FAM3D: variants seen among roughly 807,000 people sequenced by gnomAD.
The protein encoded by FAM3D is protein FAM3D.
FAM3D carries 26 observed loss-of-function variants against 29.8 expected under a neutral mutation model. The ratio of observed to expected loss-of-function variants is 0.87; its 90% CI spans 0.64 to 1.21. The LOEUF (loss-of-function observed/expected upper bound fraction) is 1.21. Among genes scored for constraint, FAM3D ranks in the 50% most tolerant of loss-of-function variants. FAM3D has a pLI of 0.00. For missense variants in FAM3D, 253 were observed against 290.9 expected, an observed-to-expected ratio of 0.87 and a Z score of 0.95; for synonymous variants, 115 against 102.3, an observed-to-expected ratio of 1.12 and a Z score of -0.75.
At chr3:58,656,500 C>G (rs1019523161) in intron 1 of FAM3D, among the ~76,000 whole-genome samples, 7 of 150,238 alleles carry the variant, frequency 4.7e-5, no homozygotes, top group Non-Finnish European at 8.8e-5. Context: ...GGTCATCTTT[C>G]TCTTCACCTC....
intron 7 of FAM3D, among the ~76,000 whole-genome samples, 197 bp from the exon 8 acceptor site, chr3:58,637,422 T>A (rs1368662346): frequency 6.6e-6 from 1 of 152,034 alleles, no homozygotes; most frequent in African/African-American, 2.4e-5. Context: ...GTGACCAGAG[T>A]GAGGGGAACT....
rs2066152715 is a variant in FAM3D at position 58,635,920 on chromosome 3, G to A, written c.585+374C>T. 6.6e-6 allele frequency among the ~76,000 whole-genome samples: 1 copy of A among 152,150 alleles called. No individual in the cohort carries two copies. The highest frequency in any genetic ancestry group is 6.5e-5 in the Admixed American group (1 of 15,282). On this transcript the variant is annotated intron_variant, in intron 9 of 9. Transcript: ENST00000358781. This position sits in a 1 kb window ranked among gnomAD's most constrained non-coding sequence, Gnocchi z 5.2. ...CCATGCCTCGCCAGGGAGGCTGAAG[G>A]GATGGGGACAGGCATCCTGCTCCTT...
chr3:58,666,257 C>T (rs1027006154), intron 1 of FAM3D, among the ~76,000 whole-genome samples: 4 of 152,194 alleles, frequency 2.6e-5, no homozygotes, highest in Non-Finnish European at 5.9e-5. Context: ...GCATGCCCTA[C>T]AGCTCCTTCT....
At chr3:58,641,872 G>C (rs2066343575) in intron 6 of FAM3D, among the ~76,000 whole-genome samples, 1 of 152,106 alleles carries the variant, frequency 6.6e-6, no homozygotes, top group Non-Finnish European at 1.5e-5. Context: ...CATCTCATTG[G>C]AGAATATTCA....
rs757839551 is a variant in FAM3D at position 58,643,783 on chromosome 3, C to T, written c.264-63G>A. The T allele has an allele frequency of 1.5e-5, 22 of 1,515,086 alleles. No individual in the cohort carries two copies. The Admixed American group carries it at 2.2e-4, about 15-fold the overall frequency. The allele number at this position is 1,515,086 out of a possible 1,614,324, so 93.9% of individuals were successfully genotyped here. Reference sequence around the variant, plus strand: ...GAGTGTGGAATGAACACTCTGCTCTCCCAGCTGGGGAACTCCGTGAGGACC... The same window carrying T: ...GAGTGTGGAATGAACACTCTGCTCTTCCAGCTGGGGAACTCCGTGAGGACC... On this transcript the variant is annotated intron_variant, in intron 5 of 9. Coordinates refer to ENST00000358781, the MANE Select transcript of FAM3D (RefSeq NM_138805.3).
Position 58,666,564 on chromosome 3 carries a change from G to T in FAM3D, c.-39+12C>A, listed in dbSNP as rs2067036483. ...TGGAACCATAGCCCTTTCCATTCTT[G>T]GGGGGACGTACCCGAGGGCTCGAGG... is the stretch of plus-strand genomic sequence containing the variant. On this transcript the variant is annotated intron_variant, in intron 1 of 9. Coordinates refer to ENST00000358781, the MANE Select transcript of FAM3D (RefSeq NM_138805.3). The T allele has an allele frequency of 6.6e-6, 1 of 151,986 alleles. No individual in the cohort carries two copies. The highest frequency in any genetic ancestry group is 6.6e-5 in the Admixed American group (1 of 15,260). The allele number at this position is 151,986 out of a possible 1,614,324, so 9.4% of individuals were successfully genotyped here.
chr3:58,655,465 A>G, intron 2 of FAM3D, 86 bp downstream of exon 2: 3 of 1,572,138 alleles, frequency 1.9e-6, no homozygotes, highest in Non-Finnish European at 2.6e-6. Flanking sequence ...ACCATTTGAG[A>G]ACAGATACAG....
intron 5 of FAM3D, 45 bp downstream of exon 5, chr3:58,645,464 A>AATAAG: frequency 1.4e-6 from 2 of 1,401,038 alleles, no homozygotes. Flanking sequence ...AATGAAATAA[A>AATAAG]ATAAAATAAA....
chr3:58,637,531 C>T (rs900874), intron 7 of FAM3D, among the ~76,000 whole-genome samples: 52,872 of 151,950 alleles, frequency 0.35, 9,743 homozygotes, highest in African/African-American at 0.49. Flanking sequence ...GGTAGAAGGG[C>T]CCTTGTGTGC....
At chr3:58,646,404 T>C (rs188288868) in intron 4 of FAM3D, among the ~76,000 whole-genome samples, 19 of 152,182 alleles carry the variant, frequency 1.2e-4, no homozygotes, top group South Asian at 8.3e-4. Context: ...ACAGGGTAAA[T>C]TGGGGAGGTC....
chr3:58,655,472 A>G, intron 2 of FAM3D, 79 bp downstream of exon 2: 1 of 1,587,274 alleles, frequency 6.3e-7, no homozygotes, highest in Non-Finnish European at 8.6e-7. Flanking sequence ...GAGAACAGAT[A>G]CAGCCAAATC....
At chr3:58,651,818 G>A (rs1187384712) in intron 3 of FAM3D, among the ~76,000 whole-genome samples, 2 of 132,452 alleles carry the variant, frequency 1.5e-5, no homozygotes, top group East Asian at 2.5e-4. Context: ...TAAAAGCAGC[G>A]ATCCTGGGTG....
chr3:58,653,444 C>T (rs1006343060), intron 3 of FAM3D, among the ~76,000 whole-genome samples: 1 of 152,120 alleles, frequency 6.6e-6, no homozygotes, highest in African/African-American at 2.4e-5. Context: ...CAAAGTGGTC[C>T]TCGATGTGGG....
intron 4 of FAM3D, among the ~76,000 whole-genome samples, chr3:58,647,533 G>A (rs1208172167): frequency 2.0e-5 from 3 of 152,220 alleles, no homozygotes; most frequent in Non-Finnish European, 4.4e-5. Context: ...ACCACTTCTG[G>A]TGTTTGCCCA....
chr3:58,645,485 C>A (rs144069279), intron 5 of FAM3D, 24 bp downstream of exon 5: 3 of 911,042 alleles, frequency 3.3e-6, no homozygotes, highest in South Asian at 1.6e-5. Flanking sequence ...ATAAAATAAA[C>A]ATAGTTGTGT....
chr3:58,652,730 C>T (rs564645895), intron 3 of FAM3D, among the ~76,000 whole-genome samples: 23 of 152,186 alleles, frequency 1.5e-4, no homozygotes, highest in South Asian at 6.2e-4. Flanking sequence ...CTCATTCATT[C>T]GCCCATCTCT....
chr3:58,637,975 C>A (rs911155843), intron 7 of FAM3D, among the ~76,000 whole-genome samples: 23 of 152,154 alleles, frequency 1.5e-4, no homozygotes, highest in African/African-American at 5.3e-4. Flanking sequence ...ACCTCCACCT[C>A]CTGGGTTCAA....
chr3:58,649,207 C>A (rs1192729700), intron 4 of FAM3D, 108 bp downstream of exon 4: 6 of 1,364,330 alleles, frequency 4.4e-6, no homozygotes, highest in Non-Finnish European at 6.0e-6. Context: ...TTCTCTGGCA[C>A]CTGCAGGGCT....
rs1276409046 is a variant in FAM3D, at chr3:58,634,122, G to A, written c.*157C>T. ...GTAGGATGTGCTGTGGGAGGGTTCT[G>A]TTTCCGAGGAGGAGAGGCGCGACAC... On this transcript the variant is annotated 3_prime_UTR_variant, in exon 10 of 10. Coordinates refer to ENST00000358781, the MANE Select transcript of FAM3D (RefSeq NM_138805.3). This position sits in a 1 kb window ranked among gnomAD's most constrained non-coding sequence, Gnocchi z 4.6. 3.2e-6 allele frequency: 2 copies of A among 621,448 alleles called. No homozygotes were observed. The highest frequency in any genetic ancestry group is 5.6e-6 in the Non-Finnish European group (2 of 359,352). 38.5% of individuals were successfully genotyped at this position (621,448 alleles called of 1,614,324 possible).
Sources: allele counts gnomAD v4.1 joint callset (sites outside exome capture counted in the v4.1 genomes callset), GRCh38; gene constraint gnomAD v4.1.1; non-coding constraint Gnocchi (gnomAD v3.1); transcripts MANE v1.5; gene names NCBI Gene and HGNC (gene_info 2026-07-23, HGNC 2026-07-21).